SRBD1: variants seen among roughly 807,000 people sequenced by gnomAD.
SRBD1 encodes S1 RNA binding domain 1, also known as S1 RNA-binding domain-containing protein 1.
A neutral mutation model predicts 115.3 loss-of-function variants in SRBD1; 88 were observed. The ratio of observed to expected loss-of-function variants is 0.76; its 90% confidence interval spans 0.64 to 0.91. The LOEUF (loss-of-function observed/expected upper bound fraction) is 0.91, where lower values mean the gene tolerates loss of function less well. Ranked by LOEUF, SRBD1 falls within the 40% of genes least tolerant of loss-of-function variation. SRBD1 has a pLI of 0.00. For synonymous variants in SRBD1, 509 were observed against 407.7 expected (o/e 1.25, Z -2.99); for missense variants, 1,385 against 1,177.4 (o/e 1.18, Z -2.58).
At chr2:45,585,094 G>A (rs1274472027) in intron 5 of SRBD1, among the ~76,000 whole-genome samples, 7 of 151,682 alleles carry the variant, frequency 4.6e-5, no homozygotes. Context: ...AGATTGTAGT[G>A]AGCTGAGATT....
rs138286698 is a variant in SRBD1, at chr2:45,494,862, C to T, written c.1875-6531G>A. Among the ~76,000 whole-genome samples, 736 of 152,250 alleles carry T rather than the reference C, an allele frequency of 4.8e-3. 5 individuals carry two copies. The highest frequency in any genetic ancestry group is 0.017 in the African/African-American group (690 of 41,550). On this transcript the variant is annotated intron_variant, in intron 14 of 20. Transcript: ENST00000263736. ...TACCAAAGGAGTTTACCTTTAGATA[C>T]GTAACACTAGCACCATCTGGTGGAG...
intron 6 of SRBD1, among the ~76,000 whole-genome samples, chr2:45,581,199 G>A (rs1673352394): frequency 1.3e-5 from 2 of 151,840 alleles, no homozygotes; most frequent in African/African-American, 4.8e-5. Context: ...GCTGTTCCAG[G>A]GCACCATCAT....
At chr2:45,600,436 A>G (rs1017470191) in intron 3 of SRBD1, among the ~76,000 whole-genome samples, 1 of 152,228 alleles carries the variant, frequency 6.6e-6, no homozygotes, top group Non-Finnish European at 1.5e-5. Context: ...ATGCCAGAAA[A>G]CCAAGATTAA....
intron 15 of SRBD1, among the ~76,000 whole-genome samples, chr2:45,485,510 A>G (rs1311945973): frequency 1.3e-5 from 2 of 152,196 alleles, no homozygotes; most frequent in Non-Finnish European, 2.9e-5. Flanking sequence ...CTTTAAATCC[A>G]TAATAGACAG....
At chr2:45,543,375 T>C (rs1672007690) in intron 14 of SRBD1, among the ~76,000 whole-genome samples, 1 of 152,208 alleles carries the variant, frequency 6.6e-6, no homozygotes, top group African/African-American at 2.4e-5. Context: ...CTGGGGTTTA[T>C]GAATTAGGAT....
chr2:45,558,056 T>C (rs1201311833), intron 10 of SRBD1, among the ~76,000 whole-genome samples: 1 of 152,168 alleles, frequency 6.6e-6, no homozygotes, highest in African/African-American at 2.4e-5. Flanking sequence ...TTTTTCCACA[T>C]TTAAAGTAGA....
intron 7 of SRBD1, among the ~76,000 whole-genome samples, chr2:45,576,432 G>A (rs1193093564): frequency 6.7e-6 from 1 of 149,376 alleles, no homozygotes; most frequent in Non-Finnish European, 1.5e-5. Context: ...AGAGGGAGTC[G>A]GGGGGGGTGG....
At chr2:45,418,883 AT>A (rs1373103955) in intron 17 of SRBD1, among the ~76,000 whole-genome samples, 1 of 152,234 alleles carries the variant, frequency 6.6e-6, no homozygotes, top group East Asian at 1.9e-4. Flanking sequence ...AATTTTGCCT[AT>A]TTTTTTCAGC....
Position 45,488,598 on chromosome 2 carries a change from C to A in SRBD1, c.1875-267G>T, listed in dbSNP as rs138217627. ...CAGTTGCTTTCTCTGTCACTGGTAACAATAGATGGTTTATAGATTAATACA... is the reference window on the plus strand; with the variant it reads ...CAGTTGCTTTCTCTGTCACTGGTAAAAATAGATGGTTTATAGATTAATACA... On this transcript the variant is annotated intron_variant, in intron 14 of 20. Transcript: ENST00000263736. 2.6e-5 allele frequency among the ~76,000 whole-genome samples: 4 copies of A among 152,130 alleles called. No homozygotes were observed. In the East Asian group the frequency reaches 7.7e-4, roughly 29 times the overall value.
chr2:45,482,478 T>C (rs1399288357), intron 15 of SRBD1, among the ~76,000 whole-genome samples: 1 of 152,038 alleles, frequency 6.6e-6, no homozygotes, highest in African/African-American at 2.4e-5. Flanking sequence ...AATGGGGAGA[T>C]GCTGGTGAAA....
At chr2:45,511,428 A>G (rs1054794140) in intron 14 of SRBD1, among the ~76,000 whole-genome samples, 9 of 152,220 alleles carry the variant, frequency 5.9e-5, no homozygotes, top group African/African-American at 2.2e-4. Flanking sequence ...AGTCATGTTC[A>G]TCTACCAGAA....
chr2:45,559,839 G>A (rs193238188), intron 10 of SRBD1, among the ~76,000 whole-genome samples: 115 of 152,294 alleles, frequency 7.6e-4, no homozygotes, highest in African/African-American at 2.6e-3. Flanking sequence ...CCAGTACTTT[G>A]GGAGGCGGAA....
At chr2:45,529,881 C>T (rs1671560660) in intron 14 of SRBD1, among the ~76,000 whole-genome samples, 1 of 152,162 alleles carries the variant, frequency 6.6e-6, no homozygotes, top group Middle Eastern at 3.4e-3. Context: ...ACAAAGGCTT[C>T]TTTGCATCTG....
intron 16 of SRBD1, among the ~76,000 whole-genome samples, chr2:45,476,677 GCAC>G (rs1669812575): frequency 6.6e-6 from 1 of 152,130 alleles, no homozygotes; most frequent in African/African-American, 2.4e-5. Context: ...ATTTTAGATA[GCAC>G]CACCATTTTT....
chr2:45,606,625 T>C (rs796501160), intron 1 of SRBD1, among the ~76,000 whole-genome samples: 11 of 152,316 alleles, frequency 7.2e-5, no homozygotes, highest in African/African-American at 2.4e-4. Flanking sequence ...TTAATCACTA[T>C]GTGACTAAAA....
At chr2:45,594,869 T>C (rs796300418) in intron 4 of SRBD1, among the ~76,000 whole-genome samples, 170 of 152,314 alleles carry the variant, frequency 1.1e-3, no homozygotes, top group Middle Eastern at 6.8e-3. Context: ...CAATCTTCAA[T>C]AGGCATGATA....
At chr2:45,530,583 AATT>A (rs2103981023) in intron 14 of SRBD1, among the ~76,000 whole-genome samples, 2 of 152,174 alleles carry the variant, frequency 1.3e-5, no homozygotes, top group South Asian at 4.1e-4. Context: ...GGTCATATCA[AATT>A]ATTAAAGACA....
At chr2:45,486,335 T>A (rs1365887884) in intron 15 of SRBD1, among the ~76,000 whole-genome samples, 1 of 152,192 alleles carries the variant, frequency 6.6e-6, no homozygotes, top group Non-Finnish European at 1.5e-5. Context: ...TATTTTTTTA[T>A]AAATGAAAGT....
chr2:45,418,688 C>A lies in SRBD1; in HGVS notation c.2157-147G>T, dbSNP rs57786308. The A allele has an allele frequency of 0.15, 49,288 of 333,710 alleles. 3,166 individuals carry two copies. The highest frequency in any genetic ancestry group is 0.3 in the East Asian group (5,279 of 17,444). The allele number at this position is 333,710 out of a possible 1,614,324, so 20.7% of individuals were successfully genotyped here. A position where few individuals can be genotyped will look rare whatever the true frequency, so the allele number is the denominator to read the frequency against. On this transcript the variant is annotated intron_variant, in intron 17 of 20. Transcript: ENST00000263736. The stretch of plus-strand genomic sequence containing the variant: ...CCAAAAGGGAGTTTAAAAAAAAAAA[C>A]AAAAAAAAAACGGAGAAAAAAAGAG...
Sources: allele counts gnomAD v4.1 joint callset (sites outside exome capture counted in the v4.1 genomes callset), GRCh38; gene constraint gnomAD v4.1.1; transcripts MANE v1.5; gene names NCBI Gene and HGNC (gene_info 2026-07-23, HGNC 2026-07-21).